CATSPERE: variants seen among roughly 807,000 people sequenced by gnomAD.
CATSPERE encodes catsper channel auxiliary subunit epsilon, also known as cation channel sperm-associated auxiliary subunit epsilon.
Under a neutral mutation model 114.1 loss-of-function variants are expected in CATSPERE, and 93 were observed. The observed-to-expected ratio is 0.81, with a 90% CI of 0.69 to 0.97. The LOEUF is 0.97. Among genes scored for constraint, CATSPERE ranks in the 50% least tolerant of loss-of-function variants. The pLI, the probability that CATSPERE is intolerant of heterozygous loss-of-function variation, is 0.00. For missense variants in CATSPERE, 1,058 were observed against 1,131.6 expected (o/e 0.93, Z 0.93); for synonymous variants, 341 against 384.1 (o/e 0.89, Z 1.31).
chr1:244,604,542 C>CA (rs1362152897), intron 17 of CATSPERE, among the ~76,000 whole-genome samples: 1 of 152,190 alleles, frequency 6.6e-6, no homozygotes, highest in Non-Finnish European at 1.5e-5. Flanking sequence ...GTCTGATAGA[C>CA]ACAGAGCAGT....
chr1:244,598,241 A>G (rs1463344582), intron 17 of CATSPERE: 1 of 152,290 alleles, frequency 6.6e-6, no homozygotes, highest in African/African-American at 2.4e-5. Context: ...ATTGCTGTCA[A>G]AATTCAAAAA....
At chr1:244,531,209 C>G (rs1214463459) in intron 8 of CATSPERE, among the ~76,000 whole-genome samples, 1 of 143,870 alleles carries the variant, frequency 7.0e-6, no homozygotes, top group Admixed American at 7.4e-5. Flanking sequence ...GCACTCCAGC[C>G]TGGGCAACAG....
intron 17 of CATSPERE, among the ~76,000 whole-genome samples, chr1:244,599,282 T>C (rs763320184): frequency 1.1e-4 from 17 of 152,140 alleles, no homozygotes; most frequent in African/African-American, 2.4e-4. Context: ...TCAATAGATA[T>C]ATCAAACGTA....
intron 5 of CATSPERE, among the ~76,000 whole-genome samples, chr1:244,482,188 C>T (rs1041637122): frequency 1.1e-4 from 17 of 152,142 alleles, no homozygotes; most frequent in African/African-American, 4.1e-4. Flanking sequence ...ATAATGAGGC[C>T]TAGCATTGTG....
At chr1:244,480,889 T>A (rs926650450) in intron 5 of CATSPERE, among the ~76,000 whole-genome samples, 1 of 152,310 alleles carries the variant, frequency 6.6e-6, no homozygotes, top group South Asian at 2.1e-4. Flanking sequence ...CTTCTGTCCT[T>A]GTTGGCACTT....
At chr1:244,611,359 G>A (rs921040694) in intron 19 of CATSPERE, among the ~76,000 whole-genome samples, 1 of 152,036 alleles carries the variant, frequency 6.6e-6, no homozygotes, top group Non-Finnish European at 1.5e-5. Context: ...TGAGGCCGAG[G>A]CGTGTGGATC....
At chr1:244,582,115 T>C (rs951100364) in intron 12 of CATSPERE, among the ~76,000 whole-genome samples, 1 of 152,220 alleles carries the variant, frequency 6.6e-6, no homozygotes, top group African/African-American at 2.4e-5. Context: ...TGTTTCTTAG[T>C]TGAATAATTT....
intron 8 of CATSPERE, among the ~76,000 whole-genome samples, chr1:244,551,844 C>T (rs1453953806): frequency 6.6e-6 from 1 of 151,938 alleles, no homozygotes; most frequent in Non-Finnish European, 1.5e-5. Context: ...GCGGGCGGAT[C>T]ACGAGGTCAG....
At chr1:244,556,833 A>T (rs1661650977) in intron 9 of CATSPERE, among the ~76,000 whole-genome samples, 1 of 152,222 alleles carries the variant, frequency 6.6e-6, no homozygotes, top group African/African-American at 2.4e-5. Flanking sequence ...CAAAATCAAC[A>T]TAAAAAAATT....
chr1:244,587,507 T>C (rs1667170770), intron 13 of CATSPERE, among the ~76,000 whole-genome samples: 1 of 152,238 alleles, frequency 6.6e-6, no homozygotes, highest in Admixed American at 6.5e-5. Context: ...TATCCCAAAG[T>C]TGACCTACAG....
chr1:244,605,241 G>A (rs1243730707), intron 17 of CATSPERE, among the ~76,000 whole-genome samples: 1 of 152,076 alleles, frequency 6.6e-6, no homozygotes, highest in East Asian at 1.9e-4. Context: ...AGACAACAGG[G>A]CATCCTGCTG....
At chr1:244,625,729 T>G (rs1488270702) in intron 20 of CATSPERE, among the ~76,000 whole-genome samples, 1 of 149,104 alleles carries the variant, frequency 6.7e-6, no homozygotes, top group Non-Finnish European at 1.5e-5. Flanking sequence ...GCCTGGCCTA[T>G]TTTTATTCTT....
chr1:244,553,644 CAT>C (rs1553356117), intron 9 of CATSPERE, among the ~76,000 whole-genome samples: 15 of 142,256 alleles, frequency 1.1e-4, no homozygotes, highest in Admixed American at 2.1e-4. Context: ...CACACACACA[CAT>C]ACATATATAT....
chr1:244,495,883 T>C (rs990856720), intron 6 of CATSPERE, among the ~76,000 whole-genome samples: 4 of 152,200 alleles, frequency 2.6e-5, no homozygotes, highest in Non-Finnish European at 5.9e-5. Flanking sequence ...ATGCACATCC[T>C]AATTTAACAG....
At chr1:244,548,477 G>A (rs1431959219) in intron 8 of CATSPERE, among the ~76,000 whole-genome samples, 2 of 151,932 alleles carry the variant, frequency 1.3e-5, no homozygotes, top group African/African-American at 2.4e-5. Context: ...CATCATGGAA[G>A]TGCAGTGTTT....
intron 5 of CATSPERE, 35 bp from the exon 6 acceptor site, chr1:244,490,412 G>T (rs748930640): frequency 4.1e-6 from 6 of 1,466,160 alleles, no homozygotes; most frequent in African/African-American, 1.4e-5. Context: ...TTAACAGGCT[G>T]TTTACTAAAA....
intron 11 of CATSPERE, among the ~76,000 whole-genome samples, chr1:244,577,025 C>T (rs1665368896): frequency 6.6e-6 from 1 of 151,960 alleles, no homozygotes; most frequent in Admixed American, 6.6e-5. Context: ...TAACCTTGCT[C>T]ATAATGCATC....
chr1:244,615,990 A>G (rs1047428415), intron 19 of CATSPERE, among the ~76,000 whole-genome samples: 2 of 150,502 alleles, frequency 1.3e-5, no homozygotes, highest in Non-Finnish European at 3.0e-5. Flanking sequence ...TTAGCCAGGC[A>G]TGGTGGCACA....
intron 2 of CATSPERE, among the ~76,000 whole-genome samples, chr1:244,477,057 G>A (rs138145278): frequency 0.015 from 2,271 of 152,158 alleles, 38 homozygotes; most frequent in Middle Eastern, 0.037. Context: ...GTACAATGAC[G>A]TGATGTCGGC....
Sources: allele counts gnomAD v4.1 joint callset (sites outside exome capture counted in the v4.1 genomes callset), GRCh38; gene constraint gnomAD v4.1.1; transcripts MANE v1.5; gene names NCBI Gene and HGNC (gene_info 2026-07-23, HGNC 2026-07-21).